The following STK33 variants were observed in gnomAD, a reference collection of about 807,000 sequenced individuals.
STK33 encodes serine/threonine kinase 33.
In STK33, 52 loss-of-function variants were observed where a neutral mutation model predicts 58.0. The observed-to-expected ratio is 0.90, with a 90% CI of 0.72 to 1.13. The LOEUF (loss-of-function observed/expected upper bound fraction) is 1.13. Among genes scored for constraint, STK33 ranks in the 50% most tolerant of loss-of-function variants. STK33 has a pLI of 0.00. For synonymous variants in STK33, 215 were observed against 200.1 expected, an observed-to-expected ratio of 1.07 and a Z score of -0.63; for missense variants, 630 against 604.2, an observed-to-expected ratio of 1.04 and a Z score of -0.45.
chr11:8,462,092 T>C (rs1035887362), intron 7 of STK33, among the ~76,000 whole-genome samples, 183 bp from the exon 8 acceptor site: 1 of 152,200 alleles, frequency 6.6e-6, no homozygotes, highest in Non-Finnish European at 1.5e-5. Flanking sequence ...GTGATCAGAT[T>C]AAATTATGCC....
In STK33 at chr11:8,554,192, G is replaced by A. The variant is rs188749562; in HGVS notation, c.-466+39891C>T. Reference sequence around the variant, plus strand: ...CCCAGCACTTTGGGAGGGTGAGGCAGGTGGACTACGAGGTCAGGAGATCAA... The same window carrying A: ...CCCAGCACTTTGGGAGGGTGAGGCAAGTGGACTACGAGGTCAGGAGATCAA... On this transcript the variant is annotated intron_variant, in intron 1 of 15. Coordinates refer to ENST00000687296, the MANE Select transcript of STK33 (RefSeq NM_001352389.2). Among the ~76,000 whole-genome samples the A allele has an allele frequency of 5.4e-4, 82 of 152,164 alleles. 1 individual carries two copies. Among genetic ancestry groups the A allele is most frequent in the Non-Finnish European group, 4.4e-5 (3 of 68,014 alleles).
Position 8,400,282 on chromosome 11 carries a change from G to A in STK33, c.1345-7572C>T, listed in dbSNP as rs571538198. Among the ~76,000 whole-genome samples the A allele has an allele frequency of 3.2e-3, 480 of 152,186 alleles. 2 individuals carry two copies. The highest frequency in any genetic ancestry group is 0.014 in the Middle Eastern group (4 of 294). Reference sequence around the variant, plus strand: ...AAAGCTTATCCACCATGATCAAGCCGGCTTCATCCCTGGGATGCAAGGCTG... The same window carrying A: ...AAAGCTTATCCACCATGATCAAGCCAGCTTCATCCCTGGGATGCAAGGCTG... On this transcript the variant is annotated intron_variant, in intron 15 of 15. Coordinates refer to ENST00000687296, the MANE Select transcript of STK33 (RefSeq NM_001352389.2).
At chr11:8,515,859 T>C (rs1952732368) in intron 1 of STK33, among the ~76,000 whole-genome samples, 1 of 152,078 alleles carries the variant, frequency 6.6e-6, no homozygotes, top group Admixed American at 6.5e-5. Flanking sequence ...ATAAAGACCA[T>C]ATATGAAAAG....
intron 1 of STK33, among the ~76,000 whole-genome samples, chr11:8,528,354 T>C (rs1337017116): frequency 6.6e-6 from 1 of 152,222 alleles, no homozygotes; most frequent in Non-Finnish European, 1.5e-5. Context: ...CAAAAAACAA[T>C]GTATAGCCAA....
chr11:8,466,470 TC>T (rs1948198090), intron 6 of STK33: 1 of 152,186 alleles, frequency 6.6e-6, no homozygotes, highest in Non-Finnish European at 1.5e-5. Context: ...CAAAATGACC[TC>T]CTTTGACTCC....
rs1848741283 is a variant in STK33 at position 8,392,703 on chromosome 11, G to C, written c.1352C>G (p.Ala451Gly). The change falls in exon 16 of 16, where the codon GCT (alanine) becomes GGT (glycine). Residue 451 changes from alanine (A) to glycine (G), a missense_variant. Coordinates refer to ENST00000687296, the MANE Select transcript of STK33 (RefSeq NM_001352389.2). Reference sequence around the variant, plus strand: ...GGTTGCAGGAAATTGCTTTTCATAAGCAGTAGACTGCAAATAAAAGGTCTT... The same window carrying C: ...GGTTGCAGGAAATTGCTTTTCATAACCAGTAGACTGCAAATAAAAGGTCTT... ...SDEEEEKQST[A>G]YEKQFPATSK... The C allele has an allele frequency of 1.9e-6, 3 of 1,614,134 alleles. No individual in the cohort carries two copies. The highest frequency in any genetic ancestry group is 2.5e-6 in the Non-Finnish European group (3 of 1,179,996).
intron 1 of STK33, among the ~76,000 whole-genome samples, chr11:8,486,587 T>G (rs1285687659): frequency 6.6e-6 from 1 of 152,230 alleles, no homozygotes; most frequent in Non-Finnish European, 1.5e-5. Flanking sequence ...CCTCCTTGTC[T>G]GTATCCTTCA....
At chr11:8,495,257 A>C (rs1207307108) in intron 1 of STK33, among the ~76,000 whole-genome samples, 9 of 152,114 alleles carry the variant, frequency 5.9e-5, no homozygotes, top group Admixed American at 1.3e-4. Context: ...AAGAAAAAAA[A>C]CAAACAACCC....
At chr11:8,511,791 T>C (rs948187968) in intron 1 of STK33, among the ~76,000 whole-genome samples, 1 of 152,152 alleles carries the variant, frequency 6.6e-6, no homozygotes, top group Non-Finnish European at 1.5e-5. Context: ...TACTGACTTG[T>C]ATTAAACCAT....
chr11:8,437,723 T>C (rs77417799), intron 12 of STK33, among the ~76,000 whole-genome samples: 2,271 of 152,308 alleles, frequency 0.015, 38 homozygotes, highest in Middle Eastern at 0.058. Context: ...TTCATAGTAA[T>C]GATGATGATT....
chr11:8,585,772 G>A (rs1218706186), intron 1 of STK33, among the ~76,000 whole-genome samples: 1 of 151,434 alleles, frequency 6.6e-6, no homozygotes, highest in Non-Finnish European at 1.5e-5. Flanking sequence ...TTAAAAATTA[G>A]CACCAGGTGC....
At chr11:8,346,509 G>A in the STK33 span, among the ~76,000 whole-genome samples, 10 of 152,318 alleles carry the variant, frequency 6.6e-5, no homozygotes, top group South Asian at 1.7e-3. Flanking sequence ...CATGGGCACC[G>A]GTGGCAGATG....
the STK33 span, among the ~76,000 whole-genome samples, chr11:8,359,544 G>GGTCC: frequency 1.3e-5 from 2 of 152,240 alleles, no homozygotes; most frequent in Admixed American, 1.3e-4. Flanking sequence ...GATGCTGGGT[G>GGTCC]GTCCGGGCAA....
rs902963054 is a variant in STK33 at position 8,429,612 on chromosome 11, G to A, written c.1146+5882C>T. On this transcript the variant is annotated intron_variant, in intron 14 of 15. Transcript: ENST00000687296. ...TACCCCAGTCCTACTTCAGTTCTCC[G>A]GTTTCTGCTTGCCACCACGACAACC... Among the ~76,000 whole-genome samples, 15 of 151,940 alleles carry A rather than the reference G, an allele frequency of 9.9e-5. 1 individual carries two copies. Among genetic ancestry groups the A allele is most frequent in the African/African-American group, 3.4e-4 (14 of 41,410 alleles).
chr11:8,583,907 G>A (rs1055899862), intron 1 of STK33, among the ~76,000 whole-genome samples: 6 of 152,026 alleles, frequency 3.9e-5, no homozygotes, highest in African/African-American at 1.4e-4. Context: ...GATAATATGG[G>A]ACTAAGGAAT....
intron 14 of STK33, among the ~76,000 whole-genome samples, chr11:8,426,336 C>G (rs1942749266): frequency 6.6e-6 from 1 of 152,214 alleles, no homozygotes; most frequent in Admixed American, 6.5e-5. Context: ...CGGAGTGACT[C>G]TCAATGTCCA....
At chr11:8,555,116 G>T (rs1047683971) in intron 1 of STK33, 1 of 151,970 alleles carries the variant, frequency 6.6e-6, no homozygotes, top group African/African-American at 2.4e-5. Flanking sequence ...GCTGAGAGCT[G>T]GGCAGCCTTG....
At chr11:8,378,531 A>G in the STK33 span, among the ~76,000 whole-genome samples, 2 of 152,178 alleles carry the variant, frequency 1.3e-5, no homozygotes, top group African/African-American at 2.4e-5. Context: ...AAAACAGACA[A>G]ACAAACAAAC....
chr11:8,575,133 C>G (rs1015263246), intron 1 of STK33, among the ~76,000 whole-genome samples: 1 of 152,102 alleles, frequency 6.6e-6, no homozygotes, highest in Non-Finnish European at 1.5e-5. Flanking sequence ...AAACTGGAAC[C>G]CTCATACATT....
Sources: allele counts gnomAD v4.1 joint callset (sites outside exome capture counted in the v4.1 genomes callset), GRCh38; gene constraint gnomAD v4.1.1; transcripts MANE v1.5; gene names NCBI Gene and HGNC (gene_info 2026-07-23, HGNC 2026-07-21).